The following MACROD2 variants were observed in gnomAD, a reference collection of about 807,000 sequenced individuals.
The protein encoded by MACROD2 is mono-ADP ribosylhydrolase 2.
A neutral mutation model predicts 70.4 loss-of-function variants in MACROD2; 36 were observed. That is an observed-to-expected ratio of 0.51 (90% CI 0.39 to 0.68). MACROD2 has a LOEUF of 0.68. MACROD2 is among the 30% of genes least tolerant of loss of function. MACROD2 has a pLI of 0.00. For missense variants in MACROD2, 496 were observed against 538.4 expected, an observed-to-expected ratio of 0.92 and a Z score of 0.78; for synonymous variants, 172 against 178.8, an observed-to-expected ratio of 0.96 and a Z score of 0.30.
In MACROD2 at chr20:14,969,007, A is replaced by G. The variant is rs372946338; in HGVS notation, c.419-260933A>G. On this transcript the variant is annotated intron_variant, in intron 5 of 17. Coordinates refer to ENST00000684519, the MANE Select transcript of MACROD2 (RefSeq NM_001351661.2). ...AAGTATCTCCAATATGAACTGTGAG[A>G]TGACTTTTGATAGTAGGTATTTCAT... Among the ~76,000 whole-genome samples the G allele has an allele frequency of 3.3e-4, 51 of 152,284 alleles. 1 individual carries two copies. In the East Asian group the frequency reaches 5.0e-3, roughly 15 times the overall value.
chr20:15,143,453 T>G (rs1418043270), intron 5 of MACROD2, among the ~76,000 whole-genome samples: 2 of 152,210 alleles, frequency 1.3e-5, no homozygotes, highest in African/African-American at 4.8e-5. Context: ...TTGTTCCCAT[T>G]CTGTAGGTTG....
intron 8 of MACROD2, among the ~76,000 whole-genome samples, chr20:15,539,097 G>T (rs769782104): frequency 6.6e-6 from 1 of 151,846 alleles, no homozygotes; most frequent in Non-Finnish European, 1.5e-5. Context: ...TTCTGAGTAC[G>T]TAACTCTTGC....
intron 15 of MACROD2, among the ~76,000 whole-genome samples, chr20:15,998,842 G>A (rs984693095): frequency 6.6e-6 from 1 of 152,030 alleles, no homozygotes; most frequent in Non-Finnish European, 1.5e-5. Flanking sequence ...GGGATTACAG[G>A]CATGAGCCAC....
chr20:14,206,462 G>A (rs911739026), intron 3 of MACROD2, among the ~76,000 whole-genome samples: 2 of 152,190 alleles, frequency 1.3e-5, no homozygotes, highest in African/African-American at 2.4e-5. Context: ...TGAGCATCAA[G>A]CTTGGACCAC....
chr20:14,511,923 G>T (rs1160427701), intron 4 of MACROD2, among the ~76,000 whole-genome samples: 1 of 151,954 alleles, frequency 6.6e-6, no homozygotes, highest in Non-Finnish European at 1.5e-5. Flanking sequence ...ACGCAGTAAA[G>T]AAACATTTTT....
chr20:14,669,772 C>T (rs2070774509), intron 4 of MACROD2, among the ~76,000 whole-genome samples: 1 of 151,908 alleles, frequency 6.6e-6, no homozygotes, highest in Non-Finnish European at 1.5e-5. Context: ...AGGTCTCCCT[C>T]CCCTTGCACT....
At chr20:15,215,369 A>G (rs2076801502) in intron 5 of MACROD2, among the ~76,000 whole-genome samples, 1 of 151,690 alleles carries the variant, frequency 6.6e-6, no homozygotes, top group South Asian at 2.1e-4. Context: ...ACCTTAAAAA[A>G]ACTATGAAGA....
chr20:15,032,659 C>T (rs895213017), intron 5 of MACROD2, among the ~76,000 whole-genome samples: 1 of 152,212 alleles, frequency 6.6e-6, no homozygotes, highest in African/African-American at 2.4e-5. Context: ...CTGTGGAAAG[C>T]AGTTTGACAG....
At chr20:15,134,844 A>C (rs532089621) in intron 5 of MACROD2, among the ~76,000 whole-genome samples, 1 of 152,258 alleles carries the variant, frequency 6.6e-6, no homozygotes, top group African/African-American at 2.4e-5. Flanking sequence ...AAAAGAGAGA[A>C]GAATCAAATA....
At chr20:15,646,929 A>G (rs2049556162) in intron 8 of MACROD2, among the ~76,000 whole-genome samples, 1 of 152,216 alleles carries the variant, frequency 6.6e-6, no homozygotes, top group South Asian at 2.1e-4. Context: ...TACACACAGC[A>G]CAGACATAGT....
chr20:14,082,602 G>A (rs1286893652), intron 2 of MACROD2, among the ~76,000 whole-genome samples: 1 of 152,032 alleles, frequency 6.6e-6, no homozygotes, highest in Non-Finnish European at 1.5e-5. Context: ...CTTACATAAT[G>A]CTTCATGAGA....
At chr20:14,425,726 C>T (rs1404605317) in intron 3 of MACROD2, among the ~76,000 whole-genome samples, 2 of 152,168 alleles carry the variant, frequency 1.3e-5, no homozygotes, top group Non-Finnish European at 2.9e-5. Context: ...ATCATCCTGG[C>T]CTGTCCCCTC....
At chr20:15,795,351 G>T (rs1461066525) in intron 8 of MACROD2, among the ~76,000 whole-genome samples, 2 of 152,050 alleles carry the variant, frequency 1.3e-5, no homozygotes, top group East Asian at 3.9e-4. Flanking sequence ...AGCAATGAGG[G>T]TGTAGTAAAT....
At chr20:14,118,175 A>G (rs1471025045) in intron 3 of MACROD2, among the ~76,000 whole-genome samples, 2 of 152,204 alleles carry the variant, frequency 1.3e-5, no homozygotes, top group African/African-American at 4.8e-5. Flanking sequence ...TTTGCTACAT[A>G]TATATTTTTT....
intron 5 of MACROD2, among the ~76,000 whole-genome samples, chr20:15,111,308 G>A (rs2075953840): frequency 1.3e-5 from 2 of 151,868 alleles, no homozygotes; most frequent in Admixed American, 1.3e-4. Context: ...AAGCAGCTGG[G>A]ATTACAGGTG....
At chr20:14,220,984 G>A (rs975168052) in intron 3 of MACROD2, among the ~76,000 whole-genome samples, 2 of 152,136 alleles carry the variant, frequency 1.3e-5, no homozygotes, top group African/African-American at 4.8e-5. Context: ...CACAGTGCGA[G>A]GTGCCGCCCA....
intron 5 of MACROD2, among the ~76,000 whole-genome samples, chr20:15,038,517 T>C (rs930240816): frequency 6.6e-6 from 1 of 152,210 alleles, no homozygotes; most frequent in African/African-American, 2.4e-5. Flanking sequence ...GGCCAAGAAA[T>C]TATAAAATAT....
At chr20:14,413,956 C>G (rs904948776) in intron 3 of MACROD2, among the ~76,000 whole-genome samples, 22 of 152,016 alleles carry the variant, frequency 1.4e-4, no homozygotes, top group African/African-American at 5.1e-4. Context: ...ATAAATGTGA[C>G]TTTTCAGTAT....
intron 3 of MACROD2, among the ~76,000 whole-genome samples, chr20:14,366,853 C>T (rs946632032): frequency 4.6e-5 from 7 of 152,044 alleles, no homozygotes; most frequent in Admixed American, 6.6e-5. Context: ...ATATATTTTA[C>T]TAATCTCTAG....
Sources: gnomAD v4.1 joint callset for allele counts (sites outside exome capture counted in the v4.1 genomes callset) on GRCh38, gnomAD v4.1.1 for gene constraint, MANE v1.5 for transcripts, NCBI Gene and HGNC (gene_info 2026-07-23, HGNC 2026-07-21) for gene names.